Variants in MYCBPAP observed in about 807,000 individuals in gnomAD.
MYCBPAP encodes MYCBP associated protein.
A neutral mutation model predicts 106.1 loss-of-function variants in MYCBPAP; 60 were observed. The observed-to-expected ratio is 0.57, with a 90% confidence interval of 0.46 to 0.70. The LOEUF (loss-of-function observed/expected upper bound fraction) is 0.70, where lower values mean the gene tolerates loss of function less well. MYCBPAP is among the 30% of genes least tolerant of loss of function. The pLI, the probability that MYCBPAP is intolerant of heterozygous loss-of-function variation, is 0.00. For missense variants in MYCBPAP, 1,064 were observed against 1,169.3 expected, an observed-to-expected ratio of 0.91 and a Z score of 1.31; for synonymous variants, 407 against 440.6, an observed-to-expected ratio of 0.92 and a Z score of 0.95.
In MYCBPAP at chr17:50,519,035, C is replaced by T. The variant is rs769443121; in HGVS notation, c.714C>T (p.Ile238=). The T allele has an allele frequency of 1.2e-6, 2 of 1,613,992 alleles. No homozygotes were observed. The highest frequency in any genetic ancestry group is 1.7e-6 in the Non-Finnish European group (2 of 1,179,998). Reference sequence around the variant, plus strand: ...ACACCGGGGAGACCTACAGACGGATCCAGGAGGAGCGGGAGCTCATTGACT... The same window carrying T: ...ACACCGGGGAGACCTACAGACGGATTCAGGAGGAGCGGGAGCTCATTGACT... ...LMHTGETYRR[I]QEERELIDCT... is the part of the protein sequence containing the mutation. The change falls in exon 6 of 19, where the codon ATC becomes ATT. Residue 238 remains isoleucine, a synonymous_variant. Coordinates refer to ENST00000323776, the MANE Select transcript of MYCBPAP (RefSeq NM_032133.6).
Position 50,516,684 on chromosome 17 carries a change from A to T in MYCBPAP, c.191A>T (p.Glu64Val), listed in dbSNP as rs777678754. ...ATTCTTGCCTTGGCCATTAAGAAGG[A>T]AGACTTGAAGGAGGTGAGGATGAAG... is the stretch of plus-strand genomic sequence containing the variant. ...DDILALAIKK[E>V]DLKEQHIPRL... is the part of the protein sequence containing the mutation. The change falls in exon 2 of 19, where the codon GAA becomes GTA. Residue 64 changes from glutamate (E) to valine (V), a missense_variant. Physicochemically the swap from Glu to Val is moderately radical, Grantham distance 121. Transcript: ENST00000323776. 1 of 1,613,946 alleles carries T rather than the reference A, an allele frequency of 6.2e-7. No homozygotes were observed. Among genetic ancestry groups the T allele is most frequent in the Non-Finnish European group, 8.5e-7 (1 of 1,179,924 alleles).
rs1251692032 is a variant in MYCBPAP, at chr17:50,524,891, C to T, written c.1650C>T (p.Ala550=). Residue 550 remains alanine, a synonymous_variant, in exon 13 of 19, where the codon GCC becomes GCT. Coordinates refer to ENST00000323776, the MANE Select transcript of MYCBPAP (RefSeq NM_032133.6). ...ERKVLESKLT[A]HEAVTVVREV... ...CCCTTTTGCAGAGCAAGCTGACTGCCCATGAGGCAGTCACCGTCGTTCGCG... is the reference window on the plus strand; with the variant it reads ...CCCTTTTGCAGAGCAAGCTGACTGCTCATGAGGCAGTCACCGTCGTTCGCG... 24 of 1,613,682 alleles carry T rather than the reference C, an allele frequency of 1.5e-5. No individual in the cohort carries two copies. Among genetic ancestry groups the T allele is most frequent in the Non-Finnish European group, 1.9e-5 (23 of 1,179,946 alleles).
Position 50,518,674 on chromosome 17 carries a change from A to G in MYCBPAP, c.602A>G (p.Asn201Ser). ...CCTCCTCAGCACAACTTTCTGAAAAACTGGCAGCGTAACACAGCCCTGCGG... is the reference window on the plus strand; with the variant it reads ...CCTCCTCAGCACAACTTTCTGAAAAGCTGGCAGCGTAACACAGCCCTGCGG... The part of the protein sequence containing the change: ...APPPQHNFLK[N>S]WQRNTALRKK... Residue 201 changes from asparagine (N) to serine (S), a missense_variant, in exon 5 of 19, where the codon AAC (asparagine) becomes AGC (serine). Coordinates refer to ENST00000323776, the MANE Select transcript of MYCBPAP (RefSeq NM_032133.6). 1.2e-6 allele frequency: 2 copies of G among 1,606,490 alleles called. No homozygotes were observed. Among genetic ancestry groups the G allele is most frequent in the Non-Finnish European group, 1.7e-6 (2 of 1,177,478 alleles).
At chr17:50,529,381 G>T in intron 18 of MYCBPAP, 193 bp downstream of exon 18, 1 of 565,514 alleles carries the variant, frequency 1.8e-6, no homozygotes. Context: ...TACGACGGGA[G>T]AGAAGATAGA....
chr17:50,512,920 A>G (rs1461601009), intron 1 of MYCBPAP, among the ~76,000 whole-genome samples: 1 of 152,042 alleles, frequency 6.6e-6, no homozygotes, highest in African/African-American at 2.4e-5. Context: ...CAAAACATAC[A>G]AAAAATAGTT....
chr17:50,508,806 G>A (rs529695649), intron 1 of MYCBPAP, 56 bp downstream of exon 1: 9 of 1,491,460 alleles, frequency 6.0e-6, no homozygotes, highest in Non-Finnish European at 8.3e-6. Context: ...AGCGGTCCCC[G>A]GAAAGAGTTC....
At chr17:50,519,451 G>T in intron 6 of MYCBPAP, 189 bp from the exon 7 acceptor site, 4 of 683,600 alleles carry the variant, frequency 5.9e-6, no homozygotes, top group Middle Eastern at 4.1e-4. Context: ...CTGGCTGGGG[G>T]CAGGTAAAGA....
intron 7 of MYCBPAP, 92 bp from the exon 8 acceptor site, chr17:50,521,018 G>T: frequency 1.0e-6 from 1 of 972,504 alleles, no homozygotes; most frequent in Admixed American, 2.1e-5. Context: ...TAGAAATGGT[G>T]TTGGGATAGG....
intron 12 of MYCBPAP, among the ~76,000 whole-genome samples, chr17:50,524,244 G>A (rs1342519627): frequency 2.0e-5 from 3 of 152,198 alleles, no homozygotes; most frequent in Non-Finnish European, 4.4e-5. Context: ...TGAGTGTGAG[G>A]TGGGAGCTTG....
chr17:50,528,793 A>G lies in MYCBPAP; in HGVS notation c.2506A>G (p.Ile836Val), dbSNP rs576625297. The G allele has an allele frequency of 6.2e-7, 1 of 1,614,026 alleles. No individual in the cohort carries two copies. Among genetic ancestry groups the G allele is most frequent in the South Asian group, 1.1e-5 (1 of 91,078 alleles). The change falls in exon 17 of 19, where the codon ATC becomes GTC. Residue 836 changes from isoleucine to valine, a missense_variant. Coordinates refer to ENST00000323776, the MANE Select transcript of MYCBPAP (RefSeq NM_032133.6). ...AGCCCAGGAAAAGAAGCAACTGGGG[A>G]TCAAAGACAAAGAAGACAAGAAAGG... ...GAAQEKKQLGIKDKEDKKGAK... is the reference protein window; with the variant it reads ...GAAQEKKQLGVKDKEDKKGAK...
intron 15 of MYCBPAP, among the ~76,000 whole-genome samples, chr17:50,527,805 A>T (rs1313841526): frequency 6.6e-6 from 1 of 152,282 alleles, no homozygotes; most frequent in East Asian, 1.9e-4. Flanking sequence ...CCCTCAGGAC[A>T]AGCCCCAGGA....
intron 10 of MYCBPAP, chr17:50,522,468 G>C: frequency 5.9e-6 from 1 of 168,188 alleles, no homozygotes; most frequent in Non-Finnish European, 1.3e-5. Flanking sequence ...GCTGACGTGG[G>C]TGGATCACCT....
At chr17:50,525,745 C>T (rs1173120277) in intron 13 of MYCBPAP, 136 bp from the exon 14 acceptor site, 5 of 1,041,104 alleles carry the variant, frequency 4.8e-6, no homozygotes, top group Non-Finnish European at 6.9e-6. Context: ...CCTACCGTGG[C>T]TTCCCAAAGC....
rs755656430 is a variant in MYCBPAP, at chr17:50,508,683, T to C, written c.9T>C (p.Ser3=). The C allele has an allele frequency of 1.4e-5, 23 of 1,607,330 alleles. No individual in the cohort carries two copies. The East Asian group carries it at 2.2e-4, about 16-fold the overall frequency. The change falls in exon 1 of 19, where the codon TCT becomes TCC. Residue 3 remains serine, a synonymous_variant. Transcript: ENST00000323776. ...TGGTGCCGGGCGGCACCATGAAGTC[T>C]CTAAAGAAGGATTCCCGCCTCAGAA... MK[S]LKKDSRLRIT...
intron 1 of MYCBPAP, chr17:50,515,870 A>C (rs962439938): frequency 6.6e-6 from 1 of 152,238 alleles, no homozygotes; most frequent in African/African-American, 2.4e-5. Context: ...TGGAGTCTCA[A>C]CTATGTTGCC....
At chr17:50,517,185 A>ATCTGTTTCTTCAGC in intron 2 of MYCBPAP, 108 bp from the exon 3 acceptor site, 2 of 982,796 alleles carry the variant, frequency 2.0e-6, no homozygotes, top group Non-Finnish European at 3.2e-6. Flanking sequence ...GAAGAAACAG[A>ATCTGTTTCTTCAGC]TCTGTCAGCC....
Position 50,522,983 on chromosome 17 carries a change from A to C in MYCBPAP, c.1302A>C (p.Glu434Asp). 1.2e-6 allele frequency: 2 copies of C among 1,613,852 alleles called. No individual in the cohort carries two copies. The highest frequency in any genetic ancestry group is 1.7e-6 in the Non-Finnish European group (2 of 1,179,848). ...IAAHLTFETL[E>D]GEKTSSELTV... The stretch of plus-strand genomic sequence containing the variant: ...CTCACTTGACCTTTGAAACCCTAGA[A>C]GGCGAGAAAACCTCCTCAGAACTGA... The change falls in exon 11 of 19, where the codon GAA becomes GAC. Residue 434 changes from glutamate (E) to aspartate (D), a missense_variant. Transcript: ENST00000323776.
chr17:50,520,899 C>T, intron 7 of MYCBPAP: 1 of 542,880 alleles, frequency 1.8e-6, no homozygotes, highest in Non-Finnish European at 3.3e-6. Flanking sequence ...AAAGATTTGG[C>T]TATTTGGAAG....
rs2034159349 is a variant in MYCBPAP at position 50,519,066 on chromosome 17, C to A, written c.745C>A (p.Leu249Ile). ...QEERELIDCT[L>I]PTRRDRKSWE... The stretch of plus-strand genomic sequence containing the variant: ...GGAGCGGGAGCTCATTGACTGCACA[C>A]TTCCAACCCGGCGTGATAGGAAAGT... Residue 249 changes from leucine to isoleucine, a missense_variant, in exon 6 of 19, where the codon CTT becomes ATT. Physicochemically the swap from Leu to Ile is conservative, Grantham distance 5 (BLOSUM62 2). Coordinates refer to ENST00000323776, the MANE Select transcript of MYCBPAP (RefSeq NM_032133.6). 3 of 1,612,666 alleles carry A rather than the reference C, an allele frequency of 1.9e-6. No individual in the cohort carries two copies. The highest frequency in any genetic ancestry group is 2.5e-6 in the Non-Finnish European group (3 of 1,179,726).
Sources: allele counts gnomAD v4.1 joint callset (sites outside exome capture counted in the v4.1 genomes callset), GRCh38; gene constraint gnomAD v4.1.1; transcripts MANE v1.5; gene names NCBI Gene and HGNC (gene_info 2026-07-23, HGNC 2026-07-21).